PSMB7: variants seen among roughly 807,000 people sequenced by gnomAD.
PSMB7 encodes the protein proteasome subunit beta type-7.
A neutral mutation model predicts 28.1 loss-of-function variants in PSMB7; 5 were observed. The observed-to-expected ratio is 0.18, with a 90% CI of 0.09 to 0.37. The LOEUF (loss-of-function observed/expected upper bound fraction) is 0.37, where lower values mean the gene tolerates loss of function less well. Among genes scored for constraint, PSMB7 ranks in the 10% least tolerant of loss-of-function variants. The probability of loss-of-function intolerance (pLI) is 1.00; values close to 1 mark genes in which losing one functional copy is unlikely to be tolerated. For synonymous variants in PSMB7, 122 were observed against 123.7 expected (o/e 0.99, Z 0.09); for missense variants, 275 against 346.2 (o/e 0.79, Z 1.63).
intron 5 of PSMB7, among the ~76,000 whole-genome samples, chr9:124,390,516 A>G (rs1830773461): frequency 6.6e-6 from 1 of 152,248 alleles, no homozygotes; most frequent in South Asian, 2.1e-4. Context: ...TAAACATGAC[A>G]AAGTAGAAGT....
chr9:124,370,704 T>G (rs991061762), intron 6 of PSMB7, among the ~76,000 whole-genome samples: 1 of 152,200 alleles, frequency 6.6e-6, no homozygotes, highest in Non-Finnish European at 1.5e-5. Context: ...GACAATTAAC[T>G]CAGTGAAATA....
chr9:124,413,765 G>A, intron 3 of PSMB7, 143 bp downstream of exon 3: 1 of 595,594 alleles, frequency 1.7e-6, no homozygotes, highest in South Asian at 2.1e-5. Context: ...ACTGGCTTAG[G>A]TAACAGGTGG....
intron 6 of PSMB7, among the ~76,000 whole-genome samples, chr9:124,370,503 T>A (rs1564677463): frequency 1.2e-4 from 1 of 8,684 alleles, no homozygotes; most frequent in Non-Finnish European, 3.6e-4. Context: ...ATATATAAAA[T>A]TTGCTGACTT....
intron 4 of PSMB7, among the ~76,000 whole-genome samples, chr9:124,411,593 C>G (rs1401615217): frequency 1.3e-5 from 2 of 152,214 alleles, no homozygotes; most frequent in Non-Finnish European, 2.9e-5. Context: ...CACTGCCTCT[C>G]TTATGAGAAG....
At chr9:124,367,434 C>G (rs1006564359) in intron 6 of PSMB7, among the ~76,000 whole-genome samples, 1 of 152,104 alleles carries the variant, frequency 6.6e-6, no homozygotes, top group Non-Finnish European at 1.5e-5. Context: ...GCAGATACTT[C>G]TCCATGAGAC....
At position 124,356,679 on chromosome 9, in the gene PSMB7, GA is replaced by G. The variant is rs1830410940; in HGVS notation, c.722+84del. On this transcript the variant is annotated intron_variant, in intron 7 of 7. Coordinates refer to ENST00000259457, the MANE Select transcript of PSMB7 (RefSeq NM_002799.4). This position sits in a 1 kb window ranked among gnomAD's most constrained non-coding sequence, Gnocchi z 4.4. ...ATGTACTTAATGTGGAAAGAACCAG[GA>G]AAACTCCATCCAGATGCCATGGAGA... is the stretch of plus-strand genomic sequence containing the variant. 4.8e-6 allele frequency: 7 copies of G among 1,449,160 alleles called. No individual in the cohort carries two copies. The highest frequency in any genetic ancestry group is 6.6e-6 in the Non-Finnish European group (7 of 1,063,194). The allele number at this position is 1,449,160 out of a possible 1,614,324, so 89.8% of individuals were successfully genotyped here. A position where few individuals can be genotyped will look rare whatever the true frequency, so the allele number is the denominator to read the frequency against.
chr9:124,364,524 G>T, intron 6 of PSMB7, among the ~76,000 whole-genome samples: 1 of 132,110 alleles, frequency 7.6e-6, no homozygotes, highest in African/African-American at 2.8e-5. Flanking sequence ...TGTAATCAGA[G>T]AAAAAAAAAA....
intron 5 of PSMB7, among the ~76,000 whole-genome samples, chr9:124,389,922 T>A (rs969781945): frequency 3.3e-5 from 5 of 152,160 alleles, no homozygotes; most frequent in Non-Finnish European, 7.3e-5. Context: ...CCCACTAGCT[T>A]ATAAACAAAA....
intron 6 of PSMB7, among the ~76,000 whole-genome samples, chr9:124,365,834 G>C (rs1830501844): frequency 1.3e-5 from 2 of 152,194 alleles, no homozygotes; most frequent in African/African-American, 4.8e-5. Flanking sequence ...AGGATTACTT[G>C]AGCCTGGGAG....
At position 124,379,874 on chromosome 9, in the gene PSMB7, T is replaced by C. The variant is rs1830648169; in HGVS notation, c.570+4724A>G. On this transcript the variant is annotated intron_variant, in intron 6 of 7. Coordinates refer to ENST00000259457, the MANE Select transcript of PSMB7 (RefSeq NM_002799.4). ...AAGGTCCCTTCCATTTCCCAGGTGG[T>C]TTTGATAACTCAGACTAAGCTCAGG... Among the ~76,000 whole-genome samples the C allele has an allele frequency of 2.0e-5, 3 of 152,210 alleles. No homozygotes were observed. The South Asian group carries it at 6.2e-4, about 31-fold the overall frequency.
At chr9:124,354,859 T>C (rs946958948) in intron 7 of PSMB7, among the ~76,000 whole-genome samples, 7 of 152,194 alleles carry the variant, frequency 4.6e-5, no homozygotes, top group African/African-American at 1.7e-4. Flanking sequence ...TCCGGGAGGC[T>C]TGGACACACA....
At chr9:124,400,128 G>A (rs140002612) in intron 5 of PSMB7, among the ~76,000 whole-genome samples, 52 of 152,176 alleles carry the variant, frequency 3.4e-4, no homozygotes, top group Non-Finnish European at 4.9e-4. Flanking sequence ...TGCTCCTGCC[G>A]CACCCATGCA....
intron 6 of PSMB7, among the ~76,000 whole-genome samples, chr9:124,383,082 G>A (rs1250478625): frequency 6.6e-6 from 1 of 152,190 alleles, no homozygotes; most frequent in Non-Finnish European, 1.5e-5. Flanking sequence ...TAGAACCTTA[G>A]GAACTCCTCT....
chr9:124,402,593 G>C (rs1040868279), intron 5 of PSMB7, among the ~76,000 whole-genome samples: 3 of 152,166 alleles, frequency 2.0e-5, no homozygotes, highest in Non-Finnish European at 2.9e-5. Flanking sequence ...GTGTGTGTGA[G>C]AGGCAGAACA....
At position 124,407,396 on chromosome 9, in the gene PSMB7, G is replaced by C. The variant is rs1402918914; in HGVS notation, c.396-1964C>G. 2.0e-5 allele frequency among the ~76,000 whole-genome samples: 3 copies of C among 152,236 alleles called. No individual in the cohort carries two copies. The East Asian group carries it at 5.8e-4, about 29-fold the overall frequency. ...AAAAGAGAATAGAGCCCCAGACAAG[G>C]GAAGAAACTGGTCCAAGGCCCCACG... On this transcript the variant is annotated intron_variant, in intron 4 of 7. Coordinates refer to ENST00000259457, the MANE Select transcript of PSMB7 (RefSeq NM_002799.4).
intron 6 of PSMB7, among the ~76,000 whole-genome samples, chr9:124,364,070 G>A (rs1343149112): frequency 3.9e-5 from 6 of 152,330 alleles, no homozygotes; most frequent in East Asian, 1.9e-4. Flanking sequence ...CGGTTAGCAC[G>A]TCCTAGGGTC....
intron 4 of PSMB7, among the ~76,000 whole-genome samples, chr9:124,406,372 T>C (rs773630480): frequency 3.3e-5 from 5 of 151,832 alleles, no homozygotes; most frequent in African/African-American, 7.3e-5. Context: ...CATGGTGGCA[T>C]GTACCTGTAG....
intron 5 of PSMB7, among the ~76,000 whole-genome samples, chr9:124,392,687 G>A (rs1830799728): frequency 6.6e-6 from 1 of 152,190 alleles, no homozygotes; most frequent in Non-Finnish European, 1.5e-5. Context: ...AAGTCCCAGG[G>A]TTGGCAGCTT....
chr9:124,390,253 A>T (rs1830770908), intron 5 of PSMB7, among the ~76,000 whole-genome samples: 1 of 152,266 alleles, frequency 6.6e-6, no homozygotes, highest in African/African-American at 2.4e-5. Context: ...GAGAAGCAGA[A>T]ATGGATAGAA....
Sources: allele counts gnomAD v4.1 joint callset (sites outside exome capture counted in the v4.1 genomes callset), GRCh38; gene constraint gnomAD v4.1.1; non-coding constraint Gnocchi (gnomAD v3.1); transcripts MANE v1.5; gene names NCBI Gene and HGNC (gene_info 2026-07-23, HGNC 2026-07-21).